The following AREL1 variants were observed in gnomAD, a reference collection of about 807,000 sequenced individuals.
The protein encoded by AREL1 is apoptosis-resistant E3 ubiquitin protein ligase 1.
A neutral mutation model predicts 99.0 loss-of-function variants in AREL1; 62 were observed. That is an observed-to-expected ratio of 0.63 (90% CI 0.51 to 0.77). AREL1 has a LOEUF of 0.77. Among genes scored for constraint, AREL1 ranks in the 30% least tolerant of loss-of-function variants. The pLI, the probability that AREL1 is intolerant of heterozygous loss-of-function variation, is 0.00. For synonymous variants in AREL1, 380 were observed against 376.5 expected, an observed-to-expected ratio of 1.01 and a Z score of -0.11; for missense variants, 879 against 1,027.6, an observed-to-expected ratio of 0.86 and a Z score of 1.98.
At chr14:74,692,486 A>G (rs2089903370) in intron 1 of AREL1, among the ~76,000 whole-genome samples, 158 bp from the exon 2 acceptor site, 1 of 152,208 alleles carries the variant, frequency 6.6e-6, no homozygotes, top group South Asian at 2.1e-4. Flanking sequence ...ATTCTCAATT[A>G]AAACTCCACA....
At chr14:74,708,994 C>T (rs1425173085) in intron 1 of AREL1, among the ~76,000 whole-genome samples, 1 of 152,142 alleles carries the variant, frequency 6.6e-6, no homozygotes, top group Non-Finnish European at 1.5e-5. Context: ...ACACAAACTG[C>T]AATAAGGTTA....
intron 1 of AREL1, among the ~76,000 whole-genome samples, chr14:74,704,356 CT>C (rs1436886563): frequency 2.0e-5 from 3 of 152,130 alleles, no homozygotes; most frequent in Admixed American, 6.5e-5. Flanking sequence ...GCACAGCTTG[CT>C]TTTATACATT....
In AREL1 at chr14:74,685,154, C is replaced by T. The variant is rs1461592636; in HGVS notation, c.16+446G>A. Among the ~76,000 whole-genome samples, 4 of 152,202 alleles carry T rather than the reference C, an allele frequency of 2.6e-5. No homozygotes were observed. The East Asian group carries it at 7.7e-4, about 29-fold the overall frequency. ...CCACAGAAGCAGTCAAAAGGATGTG[C>T]CTTTGGTTCCCACCATTTCCTTCTT... On this transcript the variant is annotated intron_variant, in intron 3 of 19. Transcript: ENST00000356357.
At chr14:74,682,852 G>A (rs971389249) in intron 5 of AREL1, among the ~76,000 whole-genome samples, 4 of 152,234 alleles carry the variant, frequency 2.6e-5, no homozygotes, top group Non-Finnish European at 5.9e-5. Flanking sequence ...TCCACCATGA[G>A]TGGAAGCTTC....
intron 17 of AREL1, 84 bp downstream of exon 17, chr14:74,667,235 C>T (rs1418728849): frequency 1.3e-6 from 2 of 1,530,624 alleles, no homozygotes; most frequent in South Asian, 2.3e-5. Context: ...AGCTGCATCT[C>T]ATAAGAGAAG....
intron 18 of AREL1, among the ~76,000 whole-genome samples, chr14:74,664,448 C>CT (rs56728679): frequency 0.016 from 1,205 of 76,670 alleles, 8 homozygotes; most frequent in African/African-American, 0.021. Context: ...CTTTTCCTTT[C>CT]TTTTTTTTTT....
At chr14:74,670,194 C>T (rs2089303567) in intron 13 of AREL1, 68 bp from the exon 14 acceptor site, 1 of 1,449,624 alleles carries the variant, frequency 6.9e-7, no homozygotes, top group South Asian at 1.4e-5. Context: ...AAGGACCCTT[C>T]CTTCCCCAAC....
rs529644190 is a variant in AREL1, at chr14:74,663,097, A to C, written c.*623T>G. 6.4e-6 allele frequency: 1 copy of C among 156,782 alleles called. No homozygotes were observed. The highest frequency in any genetic ancestry group is 6.4e-5 in the Admixed American group (1 of 15,574). 9.7% of individuals were successfully genotyped at this position (156,782 alleles called of 1,614,324 possible). ...CATTTCCAGAAATGCCCGAAGGGAA[A>C]GTGCTTTTTCCAGTTCTGACACCAC... is the stretch of plus-strand genomic sequence containing the variant. On this transcript the variant is annotated 3_prime_UTR_variant, in exon 20 of 20. Coordinates refer to ENST00000356357, the MANE Select transcript of AREL1 (RefSeq NM_001039479.2).
intron 18 of AREL1, among the ~76,000 whole-genome samples, 190 bp downstream of exon 18, chr14:74,664,646 A>C (rs1402950922): frequency 7.2e-6 from 1 of 139,552 alleles, no homozygotes; most frequent in Non-Finnish European, 1.5e-5. Context: ...TTGTTAGTAG[A>C]GTCGGGCTTT....
chr14:74,698,980 C>T (rs1230842220), intron 1 of AREL1: 3 of 155,524 alleles, frequency 1.9e-5, no homozygotes, highest in Non-Finnish European at 4.3e-5. Context: ...GCCCTGACTG[C>T]TCCACTACAC....
At chr14:74,681,659 G>A (rs1379930094) in intron 5 of AREL1, among the ~76,000 whole-genome samples, 1 of 151,790 alleles carries the variant, frequency 6.6e-6, no homozygotes, top group Non-Finnish European at 1.5e-5. Flanking sequence ...TGTAATCCCA[G>A]CTACTCAGCG....
chr14:74,692,184 C>T lies in AREL1; in HGVS notation c.-189G>A, dbSNP rs111795461. The T allele has an allele frequency of 3.1e-5, 14 of 453,928 alleles. No homozygotes were observed. Among genetic ancestry groups the T allele is most frequent in the African/African-American group, 8.0e-5 (4 of 49,996 alleles). 28.1% of individuals were successfully genotyped at this position (453,928 alleles called of 1,614,324 possible). ...AGGTCAACAGAAAGGGTCTATCCATCAGACTTTGTCACAGTAATCAGGTCA... is the reference window on the plus strand; with the variant it reads ...AGGTCAACAGAAAGGGTCTATCCATTAGACTTTGTCACAGTAATCAGGTCA... On this transcript the variant is annotated 5_prime_UTR_variant, in exon 2 of 20. Coordinates refer to ENST00000356357, the MANE Select transcript of AREL1 (RefSeq NM_001039479.2).
Position 74,692,241 on chromosome 14 carries a change from G to A in AREL1, c.-246C>T. The A allele has an allele frequency of 4.4e-6, 2 of 456,510 alleles. No individual in the cohort carries two copies. Among genetic ancestry groups the A allele is most frequent in the Non-Finnish European group, 4.4e-6 (1 of 226,936 alleles). 28.3% of individuals were successfully genotyped at this position (456,510 alleles called of 1,614,324 possible). ...CTGGGATGAACTGGATGAACTCCAG[G>A]GTAGAGAAATACAGCCCAAGAATAT... is the stretch of plus-strand genomic sequence containing the variant. On this transcript the variant is annotated 5_prime_UTR_variant, in exon 2 of 20. Coordinates refer to ENST00000356357, the MANE Select transcript of AREL1 (RefSeq NM_001039479.2).
chr14:74,666,194 T>C (rs2089205128), intron 17 of AREL1, among the ~76,000 whole-genome samples: 1 of 151,984 alleles, frequency 6.6e-6, no homozygotes, highest in South Asian at 2.1e-4. Context: ...CACCTAAAAT[T>C]ACTTTTTCCC....
In AREL1 at chr14:74,669,671, TTA is replaced by T. The variant is rs771813159; in HGVS notation, c.1890_1891del (p.Tyr630Ter). ...CACCTTATCCAATTGACCTGATTTA[TTA>T]TATTTCTCTTCTGCAAAGACCAGCT... On this transcript the variant is annotated stop_gained and frameshift_variant, in exon 15 of 20. Coordinates refer to ENST00000356357, the MANE Select transcript of AREL1 (RefSeq NM_001039479.2). LOFTEE classifies it high-confidence loss of function. 1.2e-6 allele frequency: 2 copies of T among 1,614,142 alleles called. No individual in the cohort carries two copies. The highest frequency in any genetic ancestry group is 2.2e-5 in the South Asian group (2 of 91,084).
intron 2 of AREL1, among the ~76,000 whole-genome samples, chr14:74,690,515 G>T (rs1017954487): frequency 4.6e-5 from 7 of 152,096 alleles, no homozygotes; most frequent in African/African-American, 1.7e-4. Flanking sequence ...CAACAAGCAG[G>T]TATCAAATGC....
intron 2 of AREL1, chr14:74,691,286 C>T (rs2139943830): frequency 7.1e-6 from 1 of 141,374 alleles, no homozygotes; most frequent in South Asian, 2.2e-4. Context: ...TGCTACTGCA[C>T]TCCAGCCTGG....
rs1449824136 is a variant in AREL1 at position 74,676,201 on chromosome 14, A to C, written c.772T>G (p.Cys258Gly). The C allele has an allele frequency of 6.2e-7, 1 of 1,614,160 alleles. No individual in the cohort carries two copies. Among genetic ancestry groups the C allele is most frequent in the East Asian group, 2.2e-5 (1 of 44,866 alleles). Residue 258 changes from cysteine to glycine, a missense_variant, in exon 7 of 20, where the codon TGC becomes GGC. Physicochemically the swap from Cys to Gly is radical, Grantham distance 159. Coordinates refer to ENST00000356357, the MANE Select transcript of AREL1 (RefSeq NM_001039479.2). ...TLHSRGCFHACISYQNQPINN... is the reference protein window; with the variant it reads ...TLHSRGCFHAGISYQNQPINN... ...ATTGGCTGATTTTGGTATGAAATGC[A>C]AGCATGGAAGCAGCCTCGAGAATGC...
In AREL1 at chr14:74,663,532, T is replaced by G. The variant is rs1045430; in HGVS notation, c.*188A>C. 0.46 allele frequency: 289,558 copies of G among 626,674 alleles called. 72,220 individuals carry two copies. Among genetic ancestry groups the G allele is most frequent in the Non-Finnish European group, 0.53 (182,923 of 348,414 alleles). The allele number at this position is 626,674 out of a possible 1,614,324, so 38.8% of individuals were successfully genotyped here. Reference sequence around the variant, plus strand: ...CATACCATGCCAAAGTGGCCTGTGGTAGATATGGGCAGGGAGCAGGTGAGG... The same window carrying G: ...CATACCATGCCAAAGTGGCCTGTGGGAGATATGGGCAGGGAGCAGGTGAGG... On this transcript the variant is annotated 3_prime_UTR_variant, in exon 20 of 20. Coordinates refer to ENST00000356357, the MANE Select transcript of AREL1 (RefSeq NM_001039479.2).
Sources: gnomAD v4.1 joint callset for allele counts (sites outside exome capture counted in the v4.1 genomes callset) on GRCh38, gnomAD v4.1.1 for gene constraint, MANE v1.5 for transcripts, NCBI Gene and HGNC (gene_info 2026-07-23, HGNC 2026-07-21) for gene names.